The following USP31 variants were observed in gnomAD, a reference collection of about 807,000 sequenced individuals.
USP31 encodes ubiquitin specific peptidase 31, also known as ubiquitin carboxyl-terminal hydrolase 31.
Under a neutral mutation model 119.4 loss-of-function variants are expected in USP31, and 44 were observed. The ratio of observed to expected loss-of-function variants is 0.37; its 90% CI spans 0.29 to 0.47. The LOEUF (loss-of-function observed/expected upper bound fraction) is 0.47. Among genes scored for constraint, USP31 ranks in the 20% least tolerant of loss-of-function variants. The pLI, the probability that USP31 is intolerant of heterozygous loss-of-function variation, is 0.99. For synonymous variants in USP31, 749 were observed against 705.6 expected, an observed-to-expected ratio of 1.06 and a Z score of -0.97; for missense variants, 1,643 against 1,730.2, an observed-to-expected ratio of 0.95 and a Z score of 0.89.
Position 23,062,970 on chromosome 16 carries a change from T to C in USP31, c.*5076A>G, listed in dbSNP as rs1899909619. On this transcript the variant is annotated 3_prime_UTR_variant, in exon 16 of 16. Transcript: ENST00000219689. ...GATGACGTATCATAGTGGTTCTCAATCTGTCTGCAAATTAGAAACACCCAG... is the reference window on the plus strand; with the variant it reads ...GATGACGTATCATAGTGGTTCTCAACCTGTCTGCAAATTAGAAACACCCAG... 6.6e-6 allele frequency: 1 copy of C among 152,646 alleles called. No individual in the cohort carries two copies. Among genetic ancestry groups the C allele is most frequent in the African/African-American group, 2.4e-5 (1 of 41,452 alleles). 9.5% of individuals were successfully genotyped at this position (152,646 alleles called of 1,614,324 possible). A position where few individuals can be genotyped will look rare whatever the true frequency, so the allele number is the denominator to read the frequency against.
chr16:23,087,826 C>T lies in USP31; in HGVS notation c.1425G>A (p.Leu475=). The T allele has an allele frequency of 6.2e-7, 1 of 1,613,378 alleles. No individual in the cohort carries two copies. The change falls in exon 8 of 16, where the codon CTG becomes CTA. Residue 475 remains leucine (L), a synonymous_variant. Coordinates refer to ENST00000219689, the MANE Select transcript of USP31 (RefSeq NM_020718.4). The part of the protein sequence containing the change: ...CTGQQGKRFG[L]PFVLHLEKTI... ...TCTTCTCTAAGTGCAGCACAAAAGG[C>T]AGTCCAAATCTAACACACATCAACA...
chr16:23,148,929 G>A lies in USP31; in HGVS notation c.342C>T (p.Pro114=), dbSNP rs749549274. Residue 114 remains proline, a synonymous_variant, in exon 1 of 16, where the codon CCC becomes CCT. Transcript: ENST00000219689. ...GCTCGGCGGCGCAAGCGGGCGGCGC[G>A]GGAGAGGCGGGCGGCGGCGGGCACG... ...PPPCPPPPAS[P]APPACAAEPV... 7 of 1,208,558 alleles carry A rather than the reference G, an allele frequency of 5.8e-6. No individual in the cohort carries two copies. Among genetic ancestry groups the A allele is most frequent in the Non-Finnish European group, 5.2e-6 (5 of 968,936 alleles). 74.9% of individuals were successfully genotyped at this position (1,208,558 alleles called of 1,614,324 possible).
chr16:23,143,693 C>T (rs1426147683), intron 1 of USP31, among the ~76,000 whole-genome samples: 1 of 152,092 alleles, frequency 6.6e-6, no homozygotes, highest in East Asian at 1.9e-4. Flanking sequence ...AAACTTTCCT[C>T]CAAACAGTTT....
chr16:23,102,797 T>C (rs1000367090), intron 5 of USP31, among the ~76,000 whole-genome samples: 1 of 152,322 alleles, frequency 6.6e-6, no homozygotes, highest in South Asian at 2.1e-4. Context: ...CTAAACAATA[T>C]AGCATAACAA....
In USP31 at chr16:23,061,494, G is replaced by A. The variant is rs1366612060; in HGVS notation, c.*6552C>T. 1 of 152,464 alleles carries A rather than the reference G, an allele frequency of 6.6e-6. No homozygotes were observed. Among genetic ancestry groups the A allele is most frequent in the Non-Finnish European group, 1.5e-5 (1 of 68,024 alleles). The allele number at this position is 152,464 out of a possible 1,614,324, so 9.4% of individuals were successfully genotyped here. ...TCCAACTGTATACTATATAATCAACGCTGTTTCAGAAATAAAACGTTTCAA... is the reference window on the plus strand; with the variant it reads ...TCCAACTGTATACTATATAATCAACACTGTTTCAGAAATAAAACGTTTCAA... On this transcript the variant is annotated 3_prime_UTR_variant, in exon 16 of 16. Coordinates refer to ENST00000219689, the MANE Select transcript of USP31 (RefSeq NM_020718.4).
intron 5 of USP31, among the ~76,000 whole-genome samples, chr16:23,102,905 A>T (rs963149170): frequency 6.6e-6 from 1 of 152,254 alleles, no homozygotes; most frequent in African/African-American, 2.4e-5. Flanking sequence ...CCATAAAATA[A>T]AAAGTAAAAA....
At chr16:23,138,194 T>C (rs1903250432) in intron 1 of USP31, among the ~76,000 whole-genome samples, 1 of 152,168 alleles carries the variant, frequency 6.6e-6, no homozygotes, top group Non-Finnish European at 1.5e-5. Flanking sequence ...AAGACATTTT[T>C]TAAAAATCTC....
At chr16:23,134,659 C>A (rs1596735409) in intron 1 of USP31, among the ~76,000 whole-genome samples, 1 of 118,104 alleles carries the variant, frequency 8.5e-6, no homozygotes. Flanking sequence ...TTTTAGAACA[C>A]AGTAGAAACA....
At chr16:23,092,080 T>TGTCA (rs150202034) in intron 6 of USP31, among the ~76,000 whole-genome samples, 1 of 151,880 alleles carries the variant, frequency 6.6e-6, no homozygotes, top group Admixed American at 6.6e-5. Context: ...ACCCATTTAC[T>TGTCA]GCCAGCTGTG....
chr16:23,087,228 C>T, intron 8 of USP31, 42 bp from the exon 9 acceptor site: 3 of 1,578,064 alleles, frequency 1.9e-6, no homozygotes, highest in Non-Finnish European at 2.6e-6. Flanking sequence ...AATTTTTCTT[C>T]AAGGGCATCT....
In USP31 at chr16:23,067,820, A is replaced by G. The variant is rs1900138825; in HGVS notation, c.*226T>C. On this transcript the variant is annotated 3_prime_UTR_variant, in exon 16 of 16. Transcript: ENST00000219689. ...AATTATTCCAGTTAGCTTGGTGTCAATGTTTTGCCTATGGCTGTTATTTGG... is the reference window on the plus strand; with the variant it reads ...AATTATTCCAGTTAGCTTGGTGTCAGTGTTTTGCCTATGGCTGTTATTTGG... 4.1e-6 allele frequency: 2 copies of G among 485,976 alleles called. No homozygotes were observed. The highest frequency in any genetic ancestry group is 7.0e-6 in the Non-Finnish European group (2 of 283,714). The allele number at this position is 485,976 out of a possible 1,614,324, so 30.1% of individuals were successfully genotyped here.
intron 1 of USP31, among the ~76,000 whole-genome samples, chr16:23,132,193 A>G (rs1012122374): frequency 6.6e-6 from 1 of 152,258 alleles, no homozygotes; most frequent in African/African-American, 2.4e-5. Context: ...GTTAAACATA[A>G]AAGGTCATTT....
chr16:23,094,292 G>A (rs1901506019), intron 6 of USP31, among the ~76,000 whole-genome samples: 2 of 152,214 alleles, frequency 1.3e-5, no homozygotes, highest in African/African-American at 4.8e-5. Flanking sequence ...CCTGGCTGGG[G>A]GAGGGGCATC....
At chr16:23,072,889 CT>C (rs1900404712) in intron 14 of USP31, among the ~76,000 whole-genome samples, 1 of 151,966 alleles carries the variant, frequency 6.6e-6, no homozygotes, top group African/African-American at 2.4e-5. Flanking sequence ...TGGCTGTACA[CT>C]GGGTGGGCTT....
At chr16:23,096,726 C>G (rs544944312) in intron 6 of USP31, among the ~76,000 whole-genome samples, 1 of 152,280 alleles carries the variant, frequency 6.6e-6, no homozygotes, top group South Asian at 2.1e-4. Context: ...AACTGAAGAA[C>G]CTGCTCCTGA....
chr16:23,097,914 A>C (rs1330750114), intron 6 of USP31, among the ~76,000 whole-genome samples: 1 of 152,234 alleles, frequency 6.6e-6, no homozygotes, highest in East Asian at 1.9e-4. Flanking sequence ...AACTGGCACA[A>C]GACAAGGATG....
intron 1 of USP31, among the ~76,000 whole-genome samples, chr16:23,122,615 C>A (rs1902709488): frequency 6.6e-6 from 1 of 152,080 alleles, no homozygotes; most frequent in South Asian, 2.1e-4. Flanking sequence ...GAATATTTTG[C>A]AGCTATAAAA....
At chr16:23,117,329 G>A (rs1567241750) in intron 1 of USP31, among the ~76,000 whole-genome samples, 1 of 152,180 alleles carries the variant, frequency 6.6e-6, no homozygotes, top group Non-Finnish European at 1.5e-5. Flanking sequence ...CAGATTTTAA[G>A]CAAATTCATA....
chr16:23,065,446 C>G lies in USP31; in HGVS notation c.*2600G>C, dbSNP rs1429273045. On this transcript the variant is annotated 3_prime_UTR_variant, in exon 16 of 16. Transcript: ENST00000219689. ...ATACTTCCCACCTCAAGGAGCACCT[C>G]CAAACTTTCGGGCCAAATAACCTTT... 1 of 152,584 alleles carries G rather than the reference C, an allele frequency of 6.6e-6. No individual in the cohort carries two copies. The highest frequency in any genetic ancestry group is 1.9e-4 in the East Asian group (1 of 5,200). The allele number at this position is 152,584 out of a possible 1,614,324, so 9.5% of individuals were successfully genotyped here.
Sources: gnomAD v4.1 joint callset for allele counts (sites outside exome capture counted in the v4.1 genomes callset) on GRCh38, gnomAD v4.1.1 for gene constraint, MANE v1.5 for transcripts, NCBI Gene and HGNC (gene_info 2026-07-23, HGNC 2026-07-21) for gene names.